FAM167B: variants seen among roughly 807,000 people sequenced by gnomAD.
FAM167B encodes family with sequence similarity 167 member B, also known as protein FAM167B.
FAM167B carries 7 observed loss-of-function variants against 15.4 expected under a neutral mutation model. The ratio of observed to expected loss-of-function variants is 0.46; its 90% CI spans 0.26 to 0.86. The LOEUF is 0.86. Among genes scored for constraint, FAM167B ranks in the 40% least tolerant of loss-of-function variants. FAM167B has a pLI of 0.17. For missense variants in FAM167B, 207 were observed against 208.3 expected (o/e 0.99, Z 0.04); for synonymous variants, 100 against 94.6 (o/e 1.06, Z -0.33).
chr1:32,247,695 G>T lies in FAM167B; in HGVS notation c.261+13G>T, dbSNP rs533903401. ...CCGACGGGAGCTGGTGAGTCTGGTG[G>T]GGTGGGCAGCTTTGCCCAGGGCCTT... On this transcript the variant is annotated intron_variant, in intron 1 of 1. Coordinates refer to ENST00000373582, the MANE Select transcript of FAM167B (RefSeq NM_032648.3). The T allele has an allele frequency of 9.6e-6, 14 of 1,459,860 alleles. No homozygotes were observed. Among genetic ancestry groups the T allele is most frequent in the Middle Eastern group, 1.9e-4 (1 of 5,376 alleles). The allele number at this position is 1,459,860 out of a possible 1,614,324, so 90.4% of individuals were successfully genotyped here. A position where few individuals can be genotyped will look rare whatever the true frequency, so the allele number is the denominator to read the frequency against.
Position 32,247,518 on chromosome 1 carries a change from A to C in FAM167B, c.97A>C (p.Lys33Gln). 6.2e-7 allele frequency: 1 copy of C among 1,608,588 alleles called. No individual in the cohort carries two copies. Among genetic ancestry groups the C allele is most frequent in the Non-Finnish European group, 8.5e-7 (1 of 1,177,400 alleles). The change falls in exon 1 of 2, where the codon AAG (lysine) becomes CAG (glutamine). Residue 33 changes from lysine (K) to glutamine (Q), a missense_variant. Lys to Gln is a moderately conservative substitution (Grantham distance 53). Coordinates refer to ENST00000373582, the MANE Select transcript of FAM167B (RefSeq NM_032648.3). ...GGACTCTGTGAAGGCACTGACAGCC[A>C]AGCTGCAGCTGCAGACTCGGCGGCC... ...SLDSVKALTA[K>Q]LQLQTRRPSY...
At position 32,248,760 on chromosome 1, in the gene FAM167B, C is replaced by T; in HGVS notation, c.*159C>T. The T allele has an allele frequency of 4.4e-6, 3 of 681,548 alleles. No homozygotes were observed. The South Asian group carries it at 5.8e-5, about 13-fold the overall frequency. The allele number at this position is 681,548 out of a possible 1,614,324, so 42.2% of individuals were successfully genotyped here. A position where few individuals can be genotyped will look rare whatever the true frequency, so the allele number is the denominator to read the frequency against. ...AGAGCTGAATTCCAAGAGTGCAAAA[C>T]CCCAGCATCCTGTTTCCTCTGCTGA... is the stretch of plus-strand genomic sequence containing the variant. On this transcript the variant is annotated 3_prime_UTR_variant, in exon 2 of 2. Coordinates refer to ENST00000373582, the MANE Select transcript of FAM167B (RefSeq NM_032648.3).
At position 32,248,585 on chromosome 1, in the gene FAM167B, G is replaced by A. The variant is rs1264167761; in HGVS notation, c.476G>A (p.Arg159His). ...ACGCGCATGAACATCAGCGCCCGGC[G>A]CTTCACCCTCTGCTGAGGAACACCT... Reference protein sequence around the residue: ...GLTRMNISARRFTLC With the variant: ...GLTRMNISARHFTLC Residue 159 changes from arginine (R) to histidine (H), a missense_variant, in exon 2 of 2, where the codon CGC becomes CAC. By Grantham distance (29) the Arg-to-His change is conservative. Coordinates refer to ENST00000373582, the MANE Select transcript of FAM167B (RefSeq NM_032648.3). 1 of 1,541,854 alleles carries A rather than the reference G, an allele frequency of 6.5e-7. No individual in the cohort carries two copies.
At position 32,247,466 on chromosome 1, in the gene FAM167B, C is replaced by A. The variant is rs201866460; in HGVS notation, c.45C>A (p.Asp15Glu). The change falls in exon 1 of 2, where the codon GAC becomes GAA. Residue 15 changes from aspartate to glutamate, a missense_variant. Physicochemically the swap from Asp to Glu is conservative, Grantham distance 45. Coordinates refer to ENST00000373582, the MANE Select transcript of FAM167B (RefSeq NM_032648.3). Reference protein sequence around the residue: ...LLKFQAVGEEDEEDEEGESLD... With the variant: ...LLKFQAVGEEEEEDEEGESLD... ...AATTCCAGGCAGTGGGTGAAGAGGA[C>A]GAGGAGGATGAGGAGGGGGAGAGCC... 4.4e-6 allele frequency: 7 copies of A among 1,592,082 alleles called. No individual in the cohort carries two copies. In the East Asian group the frequency reaches 1.4e-4, roughly 31 times the overall value.
At chr1:32,248,110 A>G (rs1639432898) in intron 1 of FAM167B, among the ~76,000 whole-genome samples, 2 of 152,196 alleles carry the variant, frequency 1.3e-5, no homozygotes, top group African/African-American at 4.8e-5. Context: ...AAATATAAAG[A>G]TACCCAGGCT....
Position 32,248,562 on chromosome 1 carries a change from G to T in FAM167B, c.453G>T (p.Thr151=). 2 of 1,549,528 alleles carry T rather than the reference G, an allele frequency of 1.3e-6. No homozygotes were observed. Among genetic ancestry groups the T allele is most frequent in the Non-Finnish European group, 1.7e-6 (2 of 1,149,124 alleles). ...CGCTGCTGCGGCACCTGGGCCTCAC[G>T]CGCATGAACATCAGCGCCCGGCGCT... The part of the protein sequence containing the change: ...LAPLLRHLGL[T]RMNISARRFT... The change falls in exon 2 of 2, where the codon ACG becomes ACT. Residue 151 remains threonine, a synonymous_variant. Transcript: ENST00000373582.
rs1363174720 is a variant in FAM167B at position 32,248,561 on chromosome 1, C to A, written c.452C>A (p.Thr151Lys). Residue 151 changes from threonine (T) to lysine (K), a missense_variant, in exon 2 of 2, where the codon ACG becomes AAG. By Grantham distance (78) the Thr-to-Lys change is moderately conservative. Transcript: ENST00000373582. Reference protein sequence around the residue: ...LAPLLRHLGLTRMNISARRFT... With the variant: ...LAPLLRHLGLKRMNISARRFT... ...CCGCTGCTGCGGCACCTGGGCCTCA[C>A]GCGCATGAACATCAGCGCCCGGCGC... 1.3e-6 allele frequency: 2 copies of A among 1,549,570 alleles called. No individual in the cohort carries two copies. Among genetic ancestry groups the A allele is most frequent in the Middle Eastern group, 1.8e-4 (1 of 5,462 alleles).
chr1:32,248,250 C>T (rs1639434350), intron 1 of FAM167B, 121 bp from the exon 2 acceptor site: 1 of 775,722 alleles, frequency 1.3e-6, no homozygotes. Context: ...AGAGATCAAG[C>T]TGAGGTGAGA....
At chr1:32,247,803 C>G (rs957158110) in intron 1 of FAM167B, 121 bp downstream of exon 1, 2 of 959,650 alleles carry the variant, frequency 2.1e-6, no homozygotes, top group Non-Finnish European at 2.9e-6. Flanking sequence ...CCGCCCGCTC[C>G]GGTGTCCTGG....
In FAM167B at chr1:32,247,481, G is replaced by A. The variant is rs1341392648; in HGVS notation, c.60G>A (p.Glu20=). The change falls in exon 1 of 2, where the codon GAG becomes GAA. Residue 20 remains glutamate, a synonymous_variant. Coordinates refer to ENST00000373582, the MANE Select transcript of FAM167B (RefSeq NM_032648.3). ...AVGEEDEEDE[E]GESLDSVKAL... ...GTGAAGAGGACGAGGAGGATGAGGA[G>A]GGGGAGAGCCTGGACTCTGTGAAGG... 4 of 1,602,518 alleles carry A rather than the reference G, an allele frequency of 2.5e-6. No individual in the cohort carries two copies.
chr1:32,248,707 C>A lies in FAM167B; in HGVS notation c.*106C>A, dbSNP rs910302743. 1 of 992,294 alleles carries A rather than the reference C, an allele frequency of 1.0e-6. No homozygotes were observed. Among genetic ancestry groups the A allele is most frequent in the African/African-American group, 1.6e-5 (1 of 60,996 alleles). The allele number at this position is 992,294 out of a possible 1,614,324, so 61.5% of individuals were successfully genotyped here. ...GTGCCCCAGAGGCACCAGCTCCTGG[C>A]GGGGGAGGAGGAACATTCAGGTTTC... On this transcript the variant is annotated 3_prime_UTR_variant, in exon 2 of 2. Coordinates refer to ENST00000373582, the MANE Select transcript of FAM167B (RefSeq NM_032648.3).
In FAM167B at chr1:32,248,576, G is replaced by A. The variant is rs1261585999; in HGVS notation, c.467G>A (p.Ser156Asn). The change falls in exon 2 of 2, where the codon AGC becomes AAC. Residue 156 changes from serine to asparagine, a missense_variant. Transcript: ENST00000373582. ...CTGGGCCTCACGCGCATGAACATCA[G>A]CGCCCGGCGCTTCACCCTCTGCTGA... ...RHLGLTRMNI[S>N]ARRFTLC The A allele has an allele frequency of 6.5e-7, 1 of 1,543,816 alleles. No homozygotes were observed. The highest frequency in any genetic ancestry group is 1.4e-5 in the African/African-American group (1 of 73,068).
Position 32,248,404 on chromosome 1 carries a change from G to C in FAM167B, c.295G>C (p.Gly99Arg), listed in dbSNP as rs1457559720. 47 of 1,595,486 alleles carry C rather than the reference G, an allele frequency of 2.9e-5. No homozygotes were observed. The highest frequency in any genetic ancestry group is 3.7e-5 in the Non-Finnish European group (44 of 1,175,608). ...GCAGGCGCAGGACAGGCAGCTGGCA[G>C]GGCAGCTGCTGCGGCTGCGGGCCCA... ...EMQAQDRQLA[G>R]QLLRLRAQLH... The change falls in exon 2 of 2, where the codon GGG becomes CGG. Residue 99 changes from glycine to arginine, a missense_variant. By Grantham distance (125) the Gly-to-Arg change is moderately radical. Transcript: ENST00000373582.
Position 32,248,627 on chromosome 1 carries a change from C to A in FAM167B, c.*26C>A. 1 of 1,499,212 alleles carries A rather than the reference C, an allele frequency of 6.7e-7. No individual in the cohort carries two copies. The highest frequency in any genetic ancestry group is 1.3e-5 in the South Asian group (1 of 79,728). 92.9% of individuals were successfully genotyped at this position (1,499,212 alleles called of 1,614,324 possible). On this transcript the variant is annotated 3_prime_UTR_variant, in exon 2 of 2. Transcript: ENST00000373582. ...GGAACACCTGTGCCCCCCGACTCCC[C>A]GCCCCCTCTCCCAATGCCGCTTCCC... is the stretch of plus-strand genomic sequence containing the variant.
Position 32,247,683 on chromosome 1 carries a change from G to A in FAM167B, c.261+1G>A, listed in dbSNP as rs768056819. 1 of 1,465,404 alleles carries A rather than the reference G, an allele frequency of 6.8e-7. No homozygotes were observed. The highest frequency in any genetic ancestry group is 9.0e-7 in the Non-Finnish European group (1 of 1,105,502). The allele number at this position is 1,465,404 out of a possible 1,614,324, so 90.8% of individuals were successfully genotyped here. ...CCTTGAGTGGCTCCGACGGGAGCTG[G>A]TGAGTCTGGTGGGGTGGGCAGCTTT... is the stretch of plus-strand genomic sequence containing the variant. On this transcript the variant is annotated splice_donor_variant, in intron 1 of 1. Coordinates refer to ENST00000373582, the MANE Select transcript of FAM167B (RefSeq NM_032648.3). LOFTEE classifies it high-confidence loss of function.
chr1:32,248,748 A>C lies in FAM167B; in HGVS notation c.*147A>C. On this transcript the variant is annotated 3_prime_UTR_variant, in exon 2 of 2. Coordinates refer to ENST00000373582, the MANE Select transcript of FAM167B (RefSeq NM_032648.3). Reference sequence around the variant, plus strand: ...TTCAGGTTTCTGAGAGCTGAATTCCAAGAGTGCAAAACCCCAGCATCCTGT... The same window carrying C: ...TTCAGGTTTCTGAGAGCTGAATTCCCAGAGTGCAAAACCCCAGCATCCTGT... 1 of 727,148 alleles carries C rather than the reference A, an allele frequency of 1.4e-6. No individual in the cohort carries two copies. Among genetic ancestry groups the C allele is most frequent in the Non-Finnish European group, 2.2e-6 (1 of 454,026 alleles). 45.0% of individuals were successfully genotyped at this position (727,148 alleles called of 1,614,324 possible). A position where few individuals can be genotyped will look rare whatever the true frequency, so the allele number is the denominator to read the frequency against.
In FAM167B at chr1:32,248,518, G is replaced by T; in HGVS notation, c.409G>T (p.Ala137Ser). 1 of 1,573,242 alleles carries T rather than the reference G, an allele frequency of 6.4e-7. No individual in the cohort carries two copies. ...AELELELEPG[A>S]GLALAPLLRH... ...GCTGGAGCTGGAGCTGGAGCCCGGG[G>T]CCGGCCTAGCCCTGGCCCCGCTGCT... is the stretch of plus-strand genomic sequence containing the variant. Residue 137 changes from alanine (A) to serine (S), a missense_variant, in exon 2 of 2, where the codon GCC becomes TCC. Ala to Ser is a moderately conservative substitution (Grantham distance 99). Transcript: ENST00000373582.
intron 1 of FAM167B, 52 bp from the exon 2 acceptor site, chr1:32,248,319 G>C: frequency 6.9e-7 from 1 of 1,455,528 alleles, no homozygotes; most frequent in South Asian, 1.3e-5. Context: ...AGGGAGAAAC[G>C]GCGCGCGGCC....
At position 32,248,457 on chromosome 1, in the gene FAM167B, C is replaced by T; in HGVS notation, c.348C>T (p.Ala116=). 2.5e-6 allele frequency: 4 copies of T among 1,606,532 alleles called. No individual in the cohort carries two copies. In the South Asian group the frequency reaches 3.3e-5, roughly 13 times the overall value. The change falls in exon 2 of 2, where the codon GCC becomes GCT. Residue 116 remains alanine (A), a synonymous_variant. Transcript: ENST00000373582. ...TGCACCGACTGAAGATGGACCAAGC[C>T]TGTCACCTGCACCAGGAGCTGCTGG... ...AQLHRLKMDQ[A]CHLHQELLDE...
Sources: gnomAD v4.1 joint callset for allele counts (sites outside exome capture counted in the v4.1 genomes callset) on GRCh38, gnomAD v4.1.1 for gene constraint, MANE v1.5 for transcripts, NCBI Gene and HGNC (gene_info 2026-07-23, HGNC 2026-07-21) for gene names.